SND1: variants seen among roughly 807,000 people sequenced by gnomAD.
SND1 encodes the protein staphylococcal nuclease and tudor domain containing 1, also known as staphylococcal nuclease domain-containing protein 1.
In SND1, 38 loss-of-function variants were observed where a neutral mutation model predicts 121.7. The ratio of observed to expected loss-of-function variants is 0.31; its 90% confidence interval spans 0.24 to 0.41. SND1 has a LOEUF of 0.41. Ranked by LOEUF, SND1 falls within the 10% of genes least tolerant of loss-of-function variation. The pLI is 1.00. For synonymous variants in SND1, 401 were observed against 447.4 expected, an observed-to-expected ratio of 0.90 and a Z score of 1.31; for missense variants, 868 against 1,184.6, an observed-to-expected ratio of 0.73 and a Z score of 3.92.
chr7:127,723,224 A>C (rs1350897208), intron 10 of SND1, among the ~76,000 whole-genome samples: 1 of 152,204 alleles, frequency 6.6e-6, no homozygotes, highest in Non-Finnish European at 1.5e-5. Flanking sequence ...TTTTAGTCCC[A>C]GTATCCTTTG....
At chr7:128,048,362 A>C (rs1792989150) in intron 16 of SND1, among the ~76,000 whole-genome samples, 1 of 149,464 alleles carries the variant, frequency 6.7e-6, no homozygotes, top group Non-Finnish European at 1.5e-5. Context: ...AAGCTCTGTT[A>C]GTTGTGCATG....
intron 14 of SND1, among the ~76,000 whole-genome samples, chr7:127,911,903 T>G (rs1320802297): frequency 6.6e-6 from 1 of 152,198 alleles, no homozygotes; most frequent in Non-Finnish European, 1.5e-5. Flanking sequence ...TTCAGCCAGT[T>G]GCCCTCACCC....
At chr7:127,787,546 C>A (rs998296837) in intron 10 of SND1, among the ~76,000 whole-genome samples, 4 of 152,184 alleles carry the variant, frequency 2.6e-5, no homozygotes. Context: ...TCATTTGATC[C>A]TCTGAGAATC....
intron 14 of SND1, among the ~76,000 whole-genome samples, chr7:127,912,848 G>A (rs1800488903): frequency 6.6e-6 from 1 of 152,106 alleles, no homozygotes; most frequent in Non-Finnish European, 1.5e-5. Flanking sequence ...TCTGTACCTG[G>A]AAACATGAAC....
At chr7:127,945,174 T>C (rs1024693812) in intron 15 of SND1, among the ~76,000 whole-genome samples, 2 of 152,244 alleles carry the variant, frequency 1.3e-5, no homozygotes, top group Non-Finnish European at 2.9e-5. Context: ...CACTGATGTT[T>C]CTTGGCTAAC....
At chr7:128,077,571 G>A (rs778717299) in intron 17 of SND1, among the ~76,000 whole-genome samples, 1 of 152,244 alleles carries the variant, frequency 6.6e-6, no homozygotes, top group Non-Finnish European at 1.5e-5. Context: ...GCCACCGGGG[G>A]TACCAGCAGT....
chr7:127,766,771 CAAAAAAAAAAAA>C (rs59243807), intron 10 of SND1, among the ~76,000 whole-genome samples: 28 of 33,216 alleles, frequency 8.4e-4, no homozygotes, highest in South Asian at 7.2e-3. Flanking sequence ...GACTTTGTCT[CAAAAAAAAAAAA>C]AAAAAAAAAA....
At chr7:127,994,639 G>C (rs1802601964) in intron 16 of SND1, among the ~76,000 whole-genome samples, 1 of 148,878 alleles carries the variant, frequency 6.7e-6, no homozygotes, top group East Asian at 2.0e-4. Flanking sequence ...TAGGACAGGT[G>C]GGCAAATCTG....
chr7:128,061,044 A>C (rs897053738), intron 16 of SND1, among the ~76,000 whole-genome samples: 1 of 152,206 alleles, frequency 6.6e-6, no homozygotes, highest in African/African-American at 2.4e-5. Flanking sequence ...CCCTGGCCCC[A>C]CTGGGGGGTC....
At chr7:128,041,976 G>C (rs530743990) in intron 16 of SND1, among the ~76,000 whole-genome samples, 1 of 152,116 alleles carries the variant, frequency 6.6e-6, no homozygotes, top group Non-Finnish European at 1.5e-5. Flanking sequence ...TCTGATGGGG[G>C]GTGCTAAATC....
chr7:128,086,450 T>C, intron 20 of SND1: 1 of 239,418 alleles, frequency 4.2e-6, no homozygotes. Flanking sequence ...ACCCATCTCC[T>C]GGGAATACAC....
chr7:127,914,919 C>G (rs1162807690), intron 14 of SND1, among the ~76,000 whole-genome samples: 2 of 152,152 alleles, frequency 1.3e-5, no homozygotes, highest in Non-Finnish European at 2.9e-5. Flanking sequence ...ATGGCACTTA[C>G]CTCATTGGAT....
At chr7:127,894,522 T>C (rs1800079594) in intron 13 of SND1, among the ~76,000 whole-genome samples, 1 of 152,164 alleles carries the variant, frequency 6.6e-6, no homozygotes, top group Non-Finnish European at 1.5e-5. Flanking sequence ...AGTTAAAAGA[T>C]AGAATTTTAG....
intron 11 of SND1, among the ~76,000 whole-genome samples, chr7:127,831,108 G>A (rs1798730219): frequency 6.6e-6 from 1 of 152,156 alleles, no homozygotes; most frequent in African/African-American, 2.4e-5. Flanking sequence ...TACTGTGTTG[G>A]TTAAGGGAGA....
chr7:127,930,326 G>T (rs1038052217), intron 15 of SND1, among the ~76,000 whole-genome samples: 22 of 152,160 alleles, frequency 1.4e-4, no homozygotes, highest in African/African-American at 5.3e-4. Flanking sequence ...CATGCTTGCT[G>T]CCTCCTGCCA....
intron 13 of SND1, among the ~76,000 whole-genome samples, chr7:127,904,032 G>A (rs962935976): frequency 6.6e-6 from 1 of 152,164 alleles, no homozygotes. Flanking sequence ...TTATTCTGTG[G>A]TCCTTCATTG....
chr7:127,738,185 C>T (rs138600932), intron 10 of SND1, among the ~76,000 whole-genome samples: 6 of 152,286 alleles, frequency 3.9e-5, no homozygotes, highest in African/African-American at 1.2e-4. Flanking sequence ...TCTCCTCCCA[C>T]CCCCAAGGAC....
intron 15 of SND1, among the ~76,000 whole-genome samples, chr7:127,974,236 C>T (rs1202530138): frequency 6.6e-6 from 1 of 152,228 alleles, no homozygotes; most frequent in Non-Finnish European, 1.5e-5. Context: ...TAATACGATA[C>T]AGCATCTCAG....
At chr7:127,732,266 A>C (rs1320132693) in intron 10 of SND1, among the ~76,000 whole-genome samples, 3 of 152,170 alleles carry the variant, frequency 2.0e-5, no homozygotes, top group African/African-American at 7.2e-5. Flanking sequence ...GATTTCTTTG[A>C]ATTACCTTCC....
Sources: allele counts gnomAD v4.1 joint callset (sites outside exome capture counted in the v4.1 genomes callset), GRCh38; gene constraint gnomAD v4.1.1; transcripts MANE v1.5; gene names NCBI Gene and HGNC (gene_info 2026-07-23, HGNC 2026-07-21).